Variants in TFPI observed in about 807,000 individuals in gnomAD.
TFPI encodes tissue factor pathway inhibitor, also known as anti-convertin.
Under a neutral mutation model 34.6 loss-of-function variants are expected in TFPI, and 15 were observed. That is an observed-to-expected ratio of 0.43 (90% confidence interval 0.29 to 0.67). TFPI has a LOEUF of 0.67. Ranked by LOEUF, TFPI falls within the 30% of genes least tolerant of loss-of-function variation. The pLI, the probability that TFPI is intolerant of heterozygous loss-of-function variation, is 0.15. For synonymous variants in TFPI, 105 were observed against 120.1 expected (o/e 0.87, Z 0.82); for missense variants, 301 against 364.0 (o/e 0.83, Z 1.41).
At chr2:187,528,173 G>T (rs964855104) in intron 1 of TFPI, among the ~76,000 whole-genome samples, 6 of 152,038 alleles carry the variant, frequency 3.9e-5, no homozygotes, top group African/African-American at 1.4e-4. Context: ...AGGAATCTGG[G>T]TTTCAGCCCA....
chr2:187,483,804 C>G (rs766292910), intron 6 of TFPI: 27 of 308,254 alleles, frequency 8.8e-5, no homozygotes, highest in African/African-American at 1.6e-4. Flanking sequence ...GATTTACCAT[C>G]TTACACTGAG....
intron 1 of TFPI, among the ~76,000 whole-genome samples, chr2:187,530,782 A>G (rs918046855): frequency 2.6e-5 from 4 of 152,174 alleles, no homozygotes; most frequent in South Asian, 2.1e-4. Context: ...CTCAATGGAT[A>G]TTTGTGAAAT....
At position 187,497,027 on chromosome 2, in the gene TFPI, G is replaced by T; in HGVS notation, c.173C>A (p.Ala58Glu). Residue 58 changes from alanine to glutamate, a missense_variant, in exon 3 of 8, where the codon GCG (alanine) becomes GAG (glutamate). Coordinates refer to ENST00000233156, the MANE Select transcript of TFPI (RefSeq NM_006287.6). ...KLMHSFCAFK[A>E]DDGPCKAIMK... ...GATTGCTTTACATGGGCCATCATCC[G>T]CCTTGAATGCACAAAATGAATGCAT... is the stretch of plus-strand genomic sequence containing the variant. 6.2e-6 allele frequency: 10 copies of T among 1,613,048 alleles called. No individual in the cohort carries two copies. Among genetic ancestry groups the T allele is most frequent in the Non-Finnish European group, 8.5e-6 (10 of 1,179,458 alleles).
intron 6 of TFPI, among the ~76,000 whole-genome samples, chr2:187,475,412 T>A (rs1174374544): frequency 6.6e-6 from 1 of 152,180 alleles, no homozygotes; most frequent in African/African-American, 2.4e-5. Flanking sequence ...AGACTTTAGC[T>A]TCATTAAAAA....
At chr2:187,468,282 C>G (rs1453690850) in intron 6 of TFPI, among the ~76,000 whole-genome samples, 1 of 151,812 alleles carries the variant, frequency 6.6e-6, no homozygotes, top group Non-Finnish European at 1.5e-5. Context: ...CACACACACA[C>G]ACACACACAT....
intron 1 of TFPI, among the ~76,000 whole-genome samples, chr2:187,552,797 C>T (rs1232249410): frequency 6.6e-6 from 1 of 152,050 alleles, no homozygotes; most frequent in African/African-American, 2.4e-5. Context: ...ACTTTTCCAA[C>T]AAGATTCTGT....
rs774303041 is a variant in TFPI, at chr2:187,503,788, T to C, written c.-2-18A>G. The C allele has an allele frequency of 3.1e-6, 5 of 1,609,324 alleles. No homozygotes were observed. In the Admixed American group the frequency reaches 6.8e-5, roughly 22 times the overall value. On this transcript the variant is annotated intron_variant, in intron 1 of 7. Transcript: ENST00000233156. The stretch of plus-strand genomic sequence containing the variant: ...AATCATCTCTGAAATACAGAACCCA[T>C]ACATATCTAATAAATAAAGTGTTAA...
intron 1 of TFPI, among the ~76,000 whole-genome samples, chr2:187,548,724 T>A (rs1688986481): frequency 6.6e-6 from 1 of 152,092 alleles, no homozygotes; most frequent in African/African-American, 2.4e-5. Context: ...TTTTTGCTTT[T>A]TTGAGGGCTC....
intron 1 of TFPI, among the ~76,000 whole-genome samples, chr2:187,542,234 T>C (rs1197580462): frequency 6.6e-6 from 1 of 151,956 alleles, no homozygotes; most frequent in Non-Finnish European, 1.5e-5. Flanking sequence ...GAAAAGAGTT[T>C]AACTGTGGGC....
At chr2:187,522,739 A>AC (rs1368479244) in intron 1 of TFPI, among the ~76,000 whole-genome samples, 3 of 148,920 alleles carry the variant, frequency 2.0e-5, no homozygotes, top group Admixed American at 1.3e-4. Flanking sequence ...AAAAAAAAAA[A>AC]AAAAACCCAG....
At chr2:187,476,471 G>T (rs1692383902) in intron 6 of TFPI, among the ~76,000 whole-genome samples, 1 of 151,942 alleles carries the variant, frequency 6.6e-6, no homozygotes, top group African/African-American at 2.4e-5. Context: ...TCCAGAATAA[G>T]TGGGTCTACG....
At chr2:187,536,318 C>T (rs985787933) in intron 1 of TFPI, among the ~76,000 whole-genome samples, 4 of 152,170 alleles carry the variant, frequency 2.6e-5, no homozygotes, top group East Asian at 3.9e-4. Context: ...TGATGAATAT[C>T]GATGCAAAAA....
At chr2:187,549,351 A>G (rs558771402) in intron 1 of TFPI, among the ~76,000 whole-genome samples, 1 of 152,252 alleles carries the variant, frequency 6.6e-6, no homozygotes, top group East Asian at 1.9e-4. Flanking sequence ...GAGGAAGGAC[A>G]ATTACAGGAA....
At chr2:187,530,269 A>T (rs1219700033) in intron 1 of TFPI, among the ~76,000 whole-genome samples, 1 of 152,190 alleles carries the variant, frequency 6.6e-6, no homozygotes, top group Non-Finnish European at 1.5e-5. Flanking sequence ...AGTTGTGCAG[A>T]CTAACTATGA....
At chr2:187,542,728 G>A (rs1418325312) in intron 1 of TFPI, among the ~76,000 whole-genome samples, 2 of 151,996 alleles carry the variant, frequency 1.3e-5, no homozygotes, top group Non-Finnish European at 2.9e-5. Context: ...TTAGCTGGGC[G>A]TGGTGGCGTG....
intron 1 of TFPI, among the ~76,000 whole-genome samples, chr2:187,528,200 A>G (rs1343045557): frequency 6.6e-6 from 1 of 152,154 alleles, no homozygotes; most frequent in Non-Finnish European, 1.5e-5. Flanking sequence ...AATTAACCTC[A>G]TCAGAGAAGG....
chr2:187,511,633 T>G lies in TFPI; in HGVS notation c.-2-7863A>C, dbSNP rs142742930. Among the ~76,000 whole-genome samples the G allele has an allele frequency of 2.6e-5, 4 of 152,260 alleles. No homozygotes were observed. In the East Asian group the frequency reaches 5.8e-4, roughly 22 times the overall value. ...AGACTGGCCAGCATTAGAGGTGGAT[T>G]TCCCATCAGAAGTAAGCCTTGACGG... On this transcript the variant is annotated intron_variant, in intron 1 of 7. Transcript: ENST00000233156.
intron 3 of TFPI, among the ~76,000 whole-genome samples, chr2:187,493,087 T>C (rs537004797): frequency 2.6e-5 from 4 of 152,148 alleles, no homozygotes; most frequent in Non-Finnish European, 5.9e-5. Context: ...TCTGCACTGC[T>C]CTAGCAGAGG....
intron 1 of TFPI, among the ~76,000 whole-genome samples, chr2:187,540,774 T>A (rs1437589475): frequency 1.3e-5 from 2 of 151,002 alleles, no homozygotes; most frequent in African/African-American, 4.9e-5. Context: ...ACCTGTAGTC[T>A]CAGCTACTTG....
Sources: gnomAD v4.1 joint callset for allele counts (sites outside exome capture counted in the v4.1 genomes callset) on GRCh38, gnomAD v4.1.1 for gene constraint, MANE v1.5 for transcripts, NCBI Gene and HGNC (gene_info 2026-07-23, HGNC 2026-07-21) for gene names.